PLCB1: variants seen among roughly 807,000 people sequenced by gnomAD.
The protein encoded by PLCB1 is phospholipase C beta 1, also known as 1-phosphatidylinositol 4,5-bisphosphate phosphodiesterase beta-1.
PLCB1 carries 46 observed loss-of-function variants against 161.8 expected under a neutral mutation model. The ratio of observed to expected loss-of-function variants is 0.28; its 90% confidence interval spans 0.22 to 0.36. The LOEUF is 0.36. PLCB1 is among the 10% of genes least tolerant of loss of function. The pLI is 1.00. For missense variants in PLCB1, 1,016 were observed against 1,472.5 expected (o/e 0.69, Z 5.07); for synonymous variants, 517 against 503.7 (o/e 1.03, Z -0.35).
intron 2 of PLCB1, among the ~76,000 whole-genome samples, chr20:8,242,318 TATG>T (rs1264507498): frequency 6.6e-6 from 1 of 151,970 alleles, no homozygotes; most frequent in Non-Finnish European, 1.5e-5. Flanking sequence ...TCCACTCAGC[TATG>T]ATGAGGATAA....
At chr20:8,563,276 A>C (rs1267333268) in intron 3 of PLCB1, among the ~76,000 whole-genome samples, 1 of 152,010 alleles carries the variant, frequency 6.6e-6, no homozygotes, top group Non-Finnish European at 1.5e-5. Context: ...TAGCCCTACC[A>C]AGTAGAAAAA....
chr20:8,365,753 C>A (rs1986690076), intron 2 of PLCB1, among the ~76,000 whole-genome samples: 1 of 152,140 alleles, frequency 6.6e-6, no homozygotes, highest in Non-Finnish European at 1.5e-5. Context: ...CTATACCACA[C>A]ATGTATGTGG....
chr20:8,301,789 G>A (rs1983922990), intron 2 of PLCB1, among the ~76,000 whole-genome samples: 1 of 152,228 alleles, frequency 6.6e-6, no homozygotes, highest in South Asian at 2.1e-4. Context: ...GAAATAATTG[G>A]AGTTGTGCCT....
intron 3 of PLCB1, among the ~76,000 whole-genome samples, chr20:8,410,843 ACATACT>A (rs1469158027): frequency 7.9e-5 from 12 of 152,262 alleles, no homozygotes; most frequent in African/African-American, 2.9e-4. Context: ...CTTGTAAGAG[ACATACT>A]AGGAAGATTT....
intron 2 of PLCB1, among the ~76,000 whole-genome samples, chr20:8,196,663 T>A (rs559523219): frequency 6.7e-6 from 1 of 149,138 alleles, no homozygotes; most frequent in Non-Finnish European, 1.5e-5. Flanking sequence ...TATATATATA[T>A]AAAATATATA....
intron 16 of PLCB1, among the ~76,000 whole-genome samples, chr20:8,726,213 C>T (rs1432500623): frequency 2.6e-5 from 4 of 152,034 alleles, no homozygotes; most frequent in African/African-American, 7.2e-5. Flanking sequence ...TAAAATACTG[C>T]TCATAATTGT....
chr20:8,523,551 GA>G (rs536181385), intron 3 of PLCB1, among the ~76,000 whole-genome samples: 42 of 132,906 alleles, frequency 3.2e-4, no homozygotes, highest in African/African-American at 1.2e-3. Context: ...AAAGAAAAGA[GA>G]AAAAAAGGAA....
intron 31 of PLCB1, among the ~76,000 whole-genome samples, chr20:8,795,502 A>T (rs1258500327): frequency 6.6e-6 from 1 of 152,168 alleles, no homozygotes; most frequent in Non-Finnish European, 1.5e-5. Context: ...TTTTCTAGCA[A>T]TGAGATATTC....
At chr20:8,794,847 A>G (rs1210814605) in intron 31 of PLCB1, among the ~76,000 whole-genome samples, 2 of 152,226 alleles carry the variant, frequency 1.3e-5, no homozygotes. Context: ...CAGCAAAAGA[A>G]ATTTGAAAAG....
rs377379572 is a variant in PLCB1, at chr20:8,569,396, G to A, written c.247-58898G>A. ...AAACAGGATTAATCCAAATTGAGGG[G>A]TATTTAATTATCAAATTTTTATAAA... On this transcript the variant is annotated intron_variant, in intron 3 of 31. Coordinates refer to ENST00000338037, the MANE Select transcript of PLCB1 (RefSeq NM_015192.4). Among the ~76,000 whole-genome samples the A allele has an allele frequency of 5.9e-5, 9 of 152,220 alleles. No homozygotes were observed. In the East Asian group the frequency reaches 1.4e-3, roughly 23 times the overall value.
intron 2 of PLCB1, among the ~76,000 whole-genome samples, chr20:8,342,713 C>G (rs1334234084): frequency 5.9e-5 from 9 of 152,222 alleles, no homozygotes; most frequent in Non-Finnish European, 1.0e-4. Flanking sequence ...CTCTGCCTCT[C>G]TGGTGGGTCC....
chr20:8,234,268 G>T (rs895180663), intron 2 of PLCB1, among the ~76,000 whole-genome samples: 5 of 152,076 alleles, frequency 3.3e-5, no homozygotes, highest in Non-Finnish European at 7.4e-5. Flanking sequence ...GTTTTGAGGA[G>T]CATGCAGGAG....
At chr20:8,233,187 A>G (rs1013762060) in intron 2 of PLCB1, among the ~76,000 whole-genome samples, 2 of 152,152 alleles carry the variant, frequency 1.3e-5, no homozygotes, top group Non-Finnish European at 2.9e-5. Flanking sequence ...ATATTTATCA[A>G]ATACCTGCTC....
At chr20:8,320,038 C>A (rs151235976) in intron 2 of PLCB1, among the ~76,000 whole-genome samples, 1 of 151,722 alleles carries the variant, frequency 6.6e-6, no homozygotes, top group Non-Finnish European at 1.5e-5. Context: ...GTGTTTAGCA[C>A]GAGGTTTTGG....
rs565043047 is a variant in PLCB1 at position 8,720,489 on chromosome 20, C to T, written c.1514-1865C>T. 8.5e-5 allele frequency among the ~76,000 whole-genome samples: 13 copies of T among 152,262 alleles called. No individual in the cohort carries two copies. In the East Asian group the frequency reaches 1.9e-3, roughly 23 times the overall value. The stretch of plus-strand genomic sequence containing the variant: ...CTGGGAACTCAAGTAACTTGAAAAA[C>T]GTGACAGGTATTGTATTTCAAAGCT... On this transcript the variant is annotated intron_variant, in intron 14 of 31. Coordinates refer to ENST00000338037, the MANE Select transcript of PLCB1 (RefSeq NM_015192.4).
intron 31 of PLCB1, among the ~76,000 whole-genome samples, chr20:8,880,410 A>ACTT (rs1365394262): frequency 6.6e-6 from 1 of 152,156 alleles, no homozygotes; most frequent in Non-Finnish European, 1.5e-5. Flanking sequence ...GGCTTCCAGG[A>ACTT]CTTTAAAACA....
At chr20:8,227,014 T>C (rs1038495431) in intron 2 of PLCB1, among the ~76,000 whole-genome samples, 1 of 152,168 alleles carries the variant, frequency 6.6e-6, no homozygotes, top group Non-Finnish European at 1.5e-5. Context: ...AAAATATTTT[T>C]ATTTAGCCTA....
Position 8,338,803 on chromosome 20 carries a change from T to C in PLCB1, c.178-32579T>C, listed in dbSNP as rs6055756. ...TGCCCTCTTCCAGTCAATACCTCTC[T>C]CTCCTACCCCTGCACGCACATAAAA... On this transcript the variant is annotated intron_variant, in intron 2 of 31. Transcript: ENST00000338037. 3.4e-3 allele frequency among the ~76,000 whole-genome samples: 524 copies of C among 152,250 alleles called. 3 individuals carry two copies. The highest frequency in any genetic ancestry group is 0.012 in the African/African-American group (486 of 41,556).
At chr20:8,683,476 T>G (rs1990272410) in intron 9 of PLCB1, among the ~76,000 whole-genome samples, 1 of 152,100 alleles carries the variant, frequency 6.6e-6, no homozygotes, top group African/African-American at 2.4e-5. Flanking sequence ...GAAGCTTTGA[T>G]TGTCAAGATT....
Sources: allele counts gnomAD v4.1 joint callset (sites outside exome capture counted in the v4.1 genomes callset), GRCh38; gene constraint gnomAD v4.1.1; transcripts MANE v1.5; gene names NCBI Gene and HGNC (gene_info 2026-07-23, HGNC 2026-07-21).